CNTNAP2: variants seen among roughly 807,000 people sequenced by gnomAD.
CNTNAP2 encodes the protein contactin associated protein 2.
CNTNAP2 carries 98 observed loss-of-function variants against 155.2 expected under a neutral mutation model. That is an observed-to-expected ratio of 0.63 (90% CI 0.54 to 0.75). The LOEUF is 0.75. Among genes scored for constraint, CNTNAP2 ranks in the 30% least tolerant of loss-of-function variants. CNTNAP2 has a pLI of 0.00. For missense variants in CNTNAP2, 1,727 were observed against 1,688.1 expected (o/e 1.02, Z -0.40); for synonymous variants, 651 against 631.2 (o/e 1.03, Z -0.47).
intron 3 of CNTNAP2, among the ~76,000 whole-genome samples, chr7:146,853,599 G>A (rs1794923593): frequency 6.6e-6 from 1 of 152,108 alleles, no homozygotes; most frequent in African/African-American, 2.4e-5. Context: ...AGCACTTTTT[G>A]TGTCAATTAC....
chr7:148,018,340 TATA>T lies in CNTNAP2; in HGVS notation c.2383+40355_2383+40357del, dbSNP rs1802216414. Among the ~76,000 whole-genome samples, 3 of 152,246 alleles carry T rather than the reference TATA, an allele frequency of 2.0e-5. 1 individual carries two copies. The South Asian group carries it at 6.2e-4, about 31-fold the overall frequency. Reference sequence around the variant, plus strand: ...ATTTCTTAATTTCAGTTTATTTATTTATAATATTTATGGTTGTAAGATCGAATC... The same window carrying T: ...ATTTCTTAATTTCAGTTTATTTATTTATATTTATGGTTGTAAGATCGAATC... On this transcript the variant is annotated intron_variant, in intron 15 of 23. Coordinates refer to ENST00000361727, the MANE Select transcript of CNTNAP2 (RefSeq NM_014141.6).
intron 8 of CNTNAP2, among the ~76,000 whole-genome samples, chr7:147,253,225 G>C (rs1184529562): frequency 6.6e-6 from 1 of 152,020 alleles, no homozygotes; most frequent in Non-Finnish European, 1.5e-5. Context: ...CCACTAGATT[G>C]GAGCATAGGC....
chr7:147,074,913 A>T (rs953477953), intron 4 of CNTNAP2, among the ~76,000 whole-genome samples: 3 of 151,884 alleles, frequency 2.0e-5, no homozygotes, highest in Non-Finnish European at 4.4e-5. Flanking sequence ...CTTCTGAAGC[A>T]TTTTTTTTAA....
At chr7:148,382,544 A>C (rs1300485639) in intron 21 of CNTNAP2, among the ~76,000 whole-genome samples, 1 of 152,192 alleles carries the variant, frequency 6.6e-6, no homozygotes, top group Non-Finnish European at 1.5e-5. Context: ...ACTGGTTCAC[A>C]ATAGATAACA....
intron 3 of CNTNAP2, among the ~76,000 whole-genome samples, chr7:147,041,012 A>T (rs1451909900): frequency 6.6e-6 from 1 of 152,042 alleles, no homozygotes; most frequent in African/African-American, 2.4e-5. Flanking sequence ...TGCCCCTACC[A>T]CCACATTGGT....
intron 21 of CNTNAP2, among the ~76,000 whole-genome samples, chr7:148,354,017 A>G (rs1467410790): frequency 6.6e-6 from 1 of 152,176 alleles, no homozygotes; most frequent in South Asian, 2.1e-4. Flanking sequence ...CCAGGAAATT[A>G]ACTTTTAACC....
intron 1 of CNTNAP2, among the ~76,000 whole-genome samples, chr7:146,254,780 A>C (rs1173344189): frequency 6.6e-6 from 1 of 152,200 alleles, no homozygotes; most frequent in Non-Finnish European, 1.5e-5. Flanking sequence ...AGAGAAAAAG[A>C]TGATCAGAAC....
At chr7:147,006,549 C>T (rs543310038) in intron 3 of CNTNAP2, among the ~76,000 whole-genome samples, 1 of 151,644 alleles carries the variant, frequency 6.6e-6, no homozygotes, top group African/African-American at 2.4e-5. Context: ...AATATAAATA[C>T]AAGAATTAAA....
chr7:146,705,820 A>G (rs344448), intron 1 of CNTNAP2, among the ~76,000 whole-genome samples: 1 of 151,990 alleles, frequency 6.6e-6, no homozygotes, highest in African/African-American at 2.4e-5. Context: ...CTGGCCTCGC[A>G]CTTGACACAT....
At chr7:147,631,482 C>G (rs867589651) in intron 12 of CNTNAP2, among the ~76,000 whole-genome samples, 26 of 151,996 alleles carry the variant, frequency 1.7e-4, no homozygotes, top group African/African-American at 5.8e-4. Context: ...AAAAACAATC[C>G]TAAAGTTCAT....
Position 146,241,126 on chromosome 7 carries a change from A to AGC in CNTNAP2, c.97+124153_97+124154insGC, listed in dbSNP as rs1563003573. On this transcript the variant is annotated intron_variant, in intron 1 of 23. Transcript: ENST00000361727. ...AAACATTCATGAGAAAACTACCCAC[A>AGC]TGATCCACTCAGCTCCCATCAGGCC... Among the ~76,000 whole-genome samples the AGC allele has an allele frequency of 5.9e-4, 90 of 152,282 alleles. 1 individual carries two copies. Among genetic ancestry groups the AGC allele is most frequent in the African/African-American group, 2.1e-3 (87 of 41,572 alleles).
At chr7:148,280,337 C>A (rs1796950743) in intron 21 of CNTNAP2, among the ~76,000 whole-genome samples, 1 of 152,082 alleles carries the variant, frequency 6.6e-6, no homozygotes, top group South Asian at 2.1e-4. Flanking sequence ...AAGAGAGATT[C>A]TTCTGCAGTG....
intron 13 of CNTNAP2, among the ~76,000 whole-genome samples, chr7:147,665,501 A>G (rs890124309): frequency 2.0e-5 from 3 of 152,206 alleles, no homozygotes; most frequent in Non-Finnish European, 4.4e-5. Context: ...TAGGGATACA[A>G]GGGCAGAGGT....
intron 13 of CNTNAP2, among the ~76,000 whole-genome samples, chr7:147,733,496 A>G (rs572082971): frequency 3.2e-4 from 48 of 152,234 alleles, no homozygotes; most frequent in African/African-American, 1.0e-3. Context: ...TTGACTTGCC[A>G]ATGTGGGCTC....
chr7:146,915,645 G>C (rs1203029429), intron 3 of CNTNAP2, among the ~76,000 whole-genome samples: 1 of 152,036 alleles, frequency 6.6e-6, no homozygotes, highest in African/African-American at 2.4e-5. Context: ...TGTATGTATA[G>C]AGCTACTGAT....
chr7:148,100,470 T>C (rs1185450588), intron 15 of CNTNAP2, among the ~76,000 whole-genome samples: 1 of 152,236 alleles, frequency 6.6e-6, no homozygotes, highest in Admixed American at 6.5e-5. Flanking sequence ...TATATACACA[T>C]ATCTTTGTAT....
chr7:146,934,506 A>T (rs1243945767), intron 3 of CNTNAP2, among the ~76,000 whole-genome samples: 1 of 151,630 alleles, frequency 6.6e-6, no homozygotes, highest in African/African-American at 2.4e-5. Flanking sequence ...CTAAATGACG[A>T]GTTAATGGGT....
chr7:147,098,803 A>G (rs1285222913), intron 4 of CNTNAP2, among the ~76,000 whole-genome samples: 3 of 152,178 alleles, frequency 2.0e-5, no homozygotes, highest in African/African-American at 7.2e-5. Flanking sequence ...CTTTATTAAT[A>G]CTTTATATTA....
intron 18 of CNTNAP2, among the ~76,000 whole-genome samples, chr7:148,199,008 G>A (rs778487637): frequency 7.2e-5 from 11 of 152,240 alleles, no homozygotes; most frequent in Non-Finnish European, 1.0e-4. Flanking sequence ...TGTGGAATGG[G>A]GAGAAGAGGT....
Sources: gnomAD v4.1 joint callset for allele counts (sites outside exome capture counted in the v4.1 genomes callset) on GRCh38, gnomAD v4.1.1 for gene constraint, MANE v1.5 for transcripts, NCBI Gene and HGNC (gene_info 2026-07-23, HGNC 2026-07-21) for gene names.